DOCK1: variants seen among roughly 807,000 people sequenced by gnomAD.
The protein encoded by DOCK1 is dedicator of cytokinesis protein 1.
In DOCK1, 138 loss-of-function variants were observed where a neutral mutation model predicts 262.7. The ratio of observed to expected loss-of-function variants is 0.53; its 90% CI spans 0.46 to 0.61. DOCK1 has a LOEUF of 0.61. Ranked by LOEUF, DOCK1 falls within the 20% of genes least tolerant of loss-of-function variation. The pLI, the probability that DOCK1 is intolerant of heterozygous loss-of-function variation, is 0.00. For synonymous variants in DOCK1, 866 were observed against 867.4 expected (o/e 1.00, Z 0.03); for missense variants, 1,908 against 2,370.7 (o/e 0.80, Z 4.05).
At chr10:126,962,771 A>C (rs1023110452) in intron 1 of DOCK1, among the ~76,000 whole-genome samples, 6 of 152,292 alleles carry the variant, frequency 3.9e-5, no homozygotes, top group Admixed American at 1.3e-4. Context: ...TGTTGCCTGT[A>C]CTTTTGATAT....
intron 33 of DOCK1, among the ~76,000 whole-genome samples, chr10:127,372,393 C>A (rs557023550): frequency 2.0e-5 from 3 of 152,214 alleles, no homozygotes; most frequent in Non-Finnish European, 4.4e-5. Flanking sequence ...GCAGTTTTCA[C>A]GACTGGGCTT....
intron 27 of DOCK1, among the ~76,000 whole-genome samples, chr10:127,139,845 C>G (rs1477774156): frequency 6.6e-6 from 1 of 152,152 alleles, no homozygotes; most frequent in Non-Finnish European, 1.5e-5. Flanking sequence ...GCCTCCTAAA[C>G]TGTAAGATGC....
intron 27 of DOCK1, among the ~76,000 whole-genome samples, chr10:127,198,744 C>CT (rs3083933): frequency 0.47 from 69,289 of 146,316 alleles, 16,523 homozygotes; most frequent in South Asian, 0.55. Context: ...GGCATCGCTT[C>CT]TTTTTTTTTT....
At position 127,018,707 on chromosome 10, in the gene DOCK1, C is replaced by T. The variant is rs774707907; in HGVS notation, c.1202-3C>T. 2.5e-6 allele frequency: 4 copies of T among 1,613,872 alleles called. No homozygotes were observed. The highest frequency in any genetic ancestry group is 3.4e-6 in the Non-Finnish European group (4 of 1,179,880). On this transcript the variant is annotated splice_polypyrimidine_tract_variant and splice_region_variant and intron_variant, in intron 12 of 51. Coordinates refer to ENST00000623213, the MANE Select transcript of DOCK1 (RefSeq NM_001290223.2). ...GACTTAAGAGCATCCATTGTTTTTC[C>T]AGGTTTGTGGGTAACATTGAAATTA...
At position 127,446,241 on chromosome 10, in the gene DOCK1, C is replaced by T. The variant is rs1420066383; in HGVS notation, c.5414-1153C>T. ...CTCCAGCCTGGGCGACACAGCGAGA[C>T]TCCATCCCAAACAAAAAGAAAAGAA... On this transcript the variant is annotated intron_variant, in intron 50 of 51. Coordinates refer to ENST00000623213, the MANE Select transcript of DOCK1 (RefSeq NM_001290223.2). The surrounding 1 kb of genome is among the most constrained non-coding windows in gnomAD (Gnocchi z 4.4). Among the ~76,000 whole-genome samples the T allele has an allele frequency of 1.3e-5, 2 of 150,184 alleles. No homozygotes were observed. Among genetic ancestry groups the T allele is most frequent in the Non-Finnish European group, 3.0e-5 (2 of 67,674 alleles).
intron 29 of DOCK1, among the ~76,000 whole-genome samples, chr10:127,327,049 T>A (rs562816650): frequency 1.3e-5 from 2 of 152,356 alleles, no homozygotes; most frequent in African/African-American, 4.8e-5. Flanking sequence ...CCAGGCTCTC[T>A]TCTTGCATTT....
intron 1 of DOCK1, among the ~76,000 whole-genome samples, chr10:126,942,315 G>A (rs970132119): frequency 2.0e-4 from 30 of 152,266 alleles, no homozygotes; most frequent in Admixed American, 3.9e-4. Context: ...GAGCCACCGC[G>A]CCCAGCCGAT....
intron 27 of DOCK1, among the ~76,000 whole-genome samples, chr10:127,206,942 C>T (rs1349305830): frequency 6.6e-6 from 1 of 152,148 alleles, no homozygotes; most frequent in African/African-American, 2.4e-5. Context: ...CCATATCCAG[C>T]TCCCTGCTAC....
intron 25 of DOCK1, among the ~76,000 whole-genome samples, chr10:127,114,122 C>T (rs541987982): frequency 2.0e-5 from 3 of 152,316 alleles, no homozygotes; most frequent in African/African-American, 7.2e-5. Flanking sequence ...CATTGTATTT[C>T]TTACTTGCTT....
At chr10:127,322,297 C>T (rs2062568832) in intron 29 of DOCK1, among the ~76,000 whole-genome samples, 1 of 149,712 alleles carries the variant, frequency 6.7e-6, no homozygotes, top group Non-Finnish European at 1.5e-5. Flanking sequence ...TCAAGTGATC[C>T]TCCCGCCTTA....
At chr10:127,286,408 G>A (rs1262823734) in intron 29 of DOCK1, among the ~76,000 whole-genome samples, 1 of 152,066 alleles carries the variant, frequency 6.6e-6, no homozygotes, top group African/African-American at 2.4e-5. Context: ...CTCCAGTGGA[G>A]ATATAATCTC....
At chr10:127,106,170 A>G (rs922330325) in intron 23 of DOCK1, 61 bp from the exon 24 acceptor site, 11 of 1,510,282 alleles carry the variant, frequency 7.3e-6, no homozygotes, top group Admixed American at 4.1e-5. Flanking sequence ...AAGGATTACA[A>G]ATTGGTATGA....
chr10:126,953,532 ATGG>A (rs1302911609), intron 1 of DOCK1, among the ~76,000 whole-genome samples: 68 of 150,102 alleles, frequency 4.5e-4, no homozygotes, highest in African/African-American at 1.5e-3. Context: ...AGTACTGCTG[ATGG>A]TGGTGGTGGT....
rs937031642 is a variant in DOCK1, at chr10:126,935,592, C to T, written c.46+30029C>T. Reference sequence around the variant, plus strand: ...TCAACCTGGAATGCACCTTCCTCACCAGCAGCTCTTCCTTCCTTCCGCCTC... The same window carrying T: ...TCAACCTGGAATGCACCTTCCTCACTAGCAGCTCTTCCTTCCTTCCGCCTC... On this transcript the variant is annotated intron_variant, in intron 1 of 51. Transcript: ENST00000623213. Among the ~76,000 whole-genome samples, 984 of 152,322 alleles carry T rather than the reference C, an allele frequency of 6.5e-3. 12 individuals carry two copies. The highest frequency in any genetic ancestry group is 0.022 in the African/African-American group (932 of 41,568).
chr10:127,307,503 C>T (rs1342130203), intron 29 of DOCK1, among the ~76,000 whole-genome samples: 1 of 152,236 alleles, frequency 6.6e-6, no homozygotes, highest in African/African-American at 2.4e-5. Context: ...AACAAACGTG[C>T]TCTGCTGGCT....
chr10:127,158,979 G>T (rs980575401), intron 27 of DOCK1, among the ~76,000 whole-genome samples: 5 of 152,148 alleles, frequency 3.3e-5, no homozygotes, highest in African/African-American at 4.8e-5. Context: ...CCAATTTGGG[G>T]ACCCTGGACC....
At chr10:127,107,108 C>T (rs2048577127) in intron 24 of DOCK1, among the ~76,000 whole-genome samples, 1 of 152,162 alleles carries the variant, frequency 6.6e-6, no homozygotes, top group Non-Finnish European at 1.5e-5. Context: ...CGACGTGCGC[C>T]ACCGCTCCCA....
chr10:127,037,614 C>A, intron 18 of DOCK1, 105 bp from the exon 19 acceptor site: 1 of 948,018 alleles, frequency 1.1e-6, no homozygotes, highest in Non-Finnish European at 1.6e-6. Flanking sequence ...GGGTTGATTT[C>A]TCTGTTCACA....
intron 47 of DOCK1, among the ~76,000 whole-genome samples, chr10:127,427,552 A>G (rs769947480): frequency 4.6e-5 from 7 of 152,134 alleles, no homozygotes; most frequent in Non-Finnish European, 1.0e-4. Flanking sequence ...ACAGTCAAGG[A>G]AACAGGGACA....
Sources: gnomAD v4.1 joint callset for allele counts (sites outside exome capture counted in the v4.1 genomes callset) on GRCh38, gnomAD v4.1.1 for gene constraint, Gnocchi (gnomAD v3.1) non-coding constraint, MANE v1.5 for transcripts, NCBI Gene and HGNC (gene_info 2026-07-23, HGNC 2026-07-21) for gene names.